The following GOLM1 variants were observed in gnomAD, a reference collection of about 807,000 sequenced individuals.
GOLM1 encodes epididymis luminal protein 46.
Under a neutral mutation model 50.5 loss-of-function variants are expected in GOLM1, and 31 were observed. The ratio of observed to expected loss-of-function variants is 0.61; its 90% confidence interval spans 0.46 to 0.83. The LOEUF (loss-of-function observed/expected upper bound fraction) is 0.83. GOLM1 is among the 40% of genes least tolerant of loss of function. GOLM1 has a pLI of 0.00. For missense variants in GOLM1, 491 were observed against 501.3 expected, an observed-to-expected ratio of 0.98 and a Z score of 0.20; for synonymous variants, 178 against 192.8, an observed-to-expected ratio of 0.92 and a Z score of 0.64.
chr9:86,034,378 T>TG (rs1452556289), intron 8 of GOLM1, among the ~76,000 whole-genome samples: 1 of 152,214 alleles, frequency 6.6e-6, no homozygotes. Flanking sequence ...TTTCTTCAAA[T>TG]GAGGTCACCA....
At chr9:86,085,255 T>A (rs555473903) in intron 1 of GOLM1, among the ~76,000 whole-genome samples, 1 of 152,344 alleles carries the variant, frequency 6.6e-6, no homozygotes, top group Non-Finnish European at 1.5e-5. Flanking sequence ...TTTCATTTAT[T>A]GGCCATCTGC....
At chr9:86,064,648 C>T (rs113971571) in intron 3 of GOLM1, among the ~76,000 whole-genome samples, 4,902 of 152,278 alleles carry the variant, frequency 0.032, 103 homozygotes, top group Middle Eastern at 0.11. Flanking sequence ...ACGGCTTCCC[C>T]GGTCTTGAAC....
rs189789369 is a variant in GOLM1, at chr9:86,081,172, G to A, written c.-21-1831C>T. ...CAAAGTACTGGGATTACAGGTATGA[G>A]CCAGTGCACCCAGCCTCAATGATTT... On this transcript the variant is annotated intron_variant, in intron 1 of 9. Transcript: ENST00000388712. 5.3e-5 allele frequency among the ~76,000 whole-genome samples: 8 copies of A among 151,640 alleles called. No homozygotes were observed. In the East Asian group the frequency reaches 7.8e-4, roughly 15 times the overall value.
chr9:86,040,162 T>C (rs1416672819), intron 6 of GOLM1, among the ~76,000 whole-genome samples: 1 of 152,142 alleles, frequency 6.6e-6, no homozygotes, highest in Non-Finnish European at 1.5e-5. Context: ...AAATTGACTG[T>C]GGTGATGGCT....
chr9:86,057,508 C>T (rs533628928), intron 3 of GOLM1, among the ~76,000 whole-genome samples: 18 of 152,204 alleles, frequency 1.2e-4, no homozygotes, highest in Non-Finnish European at 2.4e-4. Context: ...TGGGCTCACC[C>T]GAGCCGGGGT....
Position 86,079,257 on chromosome 9 carries a change from C to T in GOLM1, c.64G>A (p.Val22Met), listed in dbSNP as rs1834715766. ...AAGCCCAAGACGATGATGCAGGCCACCAGGGCGGCCAGCACGAGGGGCGGC... is the reference window on the plus strand; with the variant it reads ...AAGCCCAAGACGATGATGCAGGCCATCAGGGCGGCCAGCACGAGGGGCGGC... ...KSPPLVLAAL[V>M]ACIIVLGFNY... The change falls in exon 2 of 10, where the codon GTG becomes ATG. Residue 22 changes from valine to methionine, a missense_variant. Val to Met is a conservative substitution (Grantham distance 21). Transcript: ENST00000388712. 1.2e-6 allele frequency: 2 copies of T among 1,610,724 alleles called. No homozygotes were observed. The highest frequency in any genetic ancestry group is 1.3e-5 in the African/African-American group (1 of 74,836).
rs369635471 is a variant in GOLM1, at chr9:86,054,517, C to T, written c.310-1926G>A. 3.3e-4 allele frequency among the ~76,000 whole-genome samples: 51 copies of T among 152,276 alleles called. No individual in the cohort carries two copies. In the South Asian group the frequency reaches 3.5e-3, roughly 11 times the overall value. ...GGGATTACAGGCGTGAGCCACTGCG[C>T]CCGGCCTCATGTATTCTTCTTGACA... On this transcript the variant is annotated intron_variant, in intron 3 of 9. Transcript: ENST00000388712.
intron 3 of GOLM1, among the ~76,000 whole-genome samples, chr9:86,074,928 G>A (rs1312629464): frequency 6.6e-6 from 1 of 152,158 alleles, no homozygotes; most frequent in African/African-American, 2.4e-5. Flanking sequence ...AAAAAAATCT[G>A]CTACGGTCTG....
At chr9:86,097,192 A>T (rs1430231079) in intron 1 of GOLM1, among the ~76,000 whole-genome samples, 3 of 152,124 alleles carry the variant, frequency 2.0e-5, no homozygotes, top group African/African-American at 7.2e-5. Flanking sequence ...TAACTTCATC[A>T]ATAACGTGAG....
chr9:86,072,462 A>T (rs765764359), intron 3 of GOLM1, among the ~76,000 whole-genome samples: 3 of 152,204 alleles, frequency 2.0e-5, no homozygotes, highest in Non-Finnish European at 2.9e-5. Context: ...TGTCTGAGCA[A>T]GCCTGTCTCA....
intron 5 of GOLM1, among the ~76,000 whole-genome samples, chr9:86,043,439 G>C (rs930810092): frequency 6.6e-6 from 1 of 152,158 alleles, no homozygotes; most frequent in African/African-American, 2.4e-5. Context: ...AAGGGAGGGC[G>C]TGCAGATATG....
chr9:86,095,869 T>G (rs539500557), intron 1 of GOLM1, among the ~76,000 whole-genome samples: 1 of 152,338 alleles, frequency 6.6e-6, no homozygotes, highest in South Asian at 2.1e-4. Context: ...AGCTACCTGT[T>G]ATTTTGAGTG....
intron 9 of GOLM1, among the ~76,000 whole-genome samples, chr9:86,032,219 G>A (rs1833008442): frequency 6.6e-6 from 1 of 152,156 alleles, no homozygotes; most frequent in South Asian, 2.1e-4. Flanking sequence ...CCAGGCTGGA[G>A]TGCAGCGGTG....
At chr9:86,086,242 A>G (rs999658606) in intron 1 of GOLM1, among the ~76,000 whole-genome samples, 2 of 152,048 alleles carry the variant, frequency 1.3e-5, no homozygotes, top group Non-Finnish European at 2.9e-5. Flanking sequence ...TCTTTTGTTC[A>G]TATGTTTGTT....
In GOLM1 at chr9:86,058,946, C is replaced by T. The variant is rs113434134; in HGVS notation, c.310-6355G>A. On this transcript the variant is annotated intron_variant, in intron 3 of 9. Transcript: ENST00000388712. ...CCAGGAGGCGGAAGTTGCAGTGATC[C>T]GAGATTGAGCCATTGCATTCCAGCC... 9.3e-3 allele frequency among the ~76,000 whole-genome samples: 1,419 copies of T among 151,998 alleles called. 21 individuals are homozygous for T. The highest frequency in any genetic ancestry group is 0.032 in the African/African-American group (1,338 of 41,432).
chr9:86,070,607 G>C (rs1359967021), intron 3 of GOLM1, among the ~76,000 whole-genome samples: 2 of 151,782 alleles, frequency 1.3e-5, no homozygotes, highest in Non-Finnish European at 2.9e-5. Flanking sequence ...TTATTCTCTA[G>C]ATATGTGAGG....
At chr9:86,087,744 T>C (rs1196094965) in intron 1 of GOLM1, among the ~76,000 whole-genome samples, 2 of 152,236 alleles carry the variant, frequency 1.3e-5, no homozygotes, top group African/African-American at 4.8e-5. Flanking sequence ...GGATTACGTC[T>C]ACTAATTCAT....
At chr9:86,050,752 CCT>C in intron 4 of GOLM1, among the ~76,000 whole-genome samples, 1 of 152,172 alleles carries the variant, frequency 6.6e-6, no homozygotes, top group South Asian at 2.1e-4. Flanking sequence ...ATTCTTCTCT[CCT>C]TTCTTCTTTA....
At chr9:86,055,635 C>G (rs1296046763) in intron 3 of GOLM1, among the ~76,000 whole-genome samples, 16 of 151,988 alleles carry the variant, frequency 1.1e-4, no homozygotes, top group Non-Finnish European at 7.4e-5. Context: ...CGGACACATA[C>G]TACAACATGG....
Sources: allele counts gnomAD v4.1 joint callset (sites outside exome capture counted in the v4.1 genomes callset), GRCh38; gene constraint gnomAD v4.1.1; transcripts MANE v1.5; gene names NCBI Gene and HGNC (gene_info 2026-07-23, HGNC 2026-07-21).